RNF4: variants seen among roughly 807,000 people sequenced by gnomAD.
RNF4 encodes E3 ubiquitin-protein ligase RNF4.
RNF4 carries 7 observed loss-of-function variants against 24.3 expected under a neutral mutation model. That is an observed-to-expected ratio of 0.29 (90% confidence interval 0.16 to 0.54). The LOEUF (loss-of-function observed/expected upper bound fraction) is 0.54. Ranked by LOEUF, RNF4 falls within the 20% of genes least tolerant of loss-of-function variation. The pLI is 0.95. For synonymous variants in RNF4, 83 were observed against 84.3 expected (o/e 0.98, Z 0.09); for missense variants, 209 against 248.5 (o/e 0.84, Z 1.07).
At chr4:2,489,068 C>T (rs781376027) in intron 1 of RNF4, among the ~76,000 whole-genome samples, 91 of 152,162 alleles carry the variant, frequency 6.0e-4, no homozygotes, top group Non-Finnish European at 1.1e-3. Context: ...CCGCCTTGGC[C>T]TCCCAGAGTG....
intron 1 of RNF4, among the ~76,000 whole-genome samples, chr4:2,471,995 C>G (rs1734922352): frequency 6.6e-6 from 1 of 152,096 alleles, no homozygotes; most frequent in African/African-American, 2.4e-5. Flanking sequence ...CCACACTAAA[C>G]AACAGACTTT....
intron 1 of RNF4, among the ~76,000 whole-genome samples, chr4:2,476,773 A>G (rs903758134): frequency 7.1e-6 from 1 of 141,500 alleles, no homozygotes; most frequent in South Asian, 2.2e-4. Flanking sequence ...TGCAGTGGCT[A>G]TTTGCAGGTG....
chr4:2,490,617 T>G (rs1441701363), intron 2 of RNF4, 115 bp downstream of exon 2: 2 of 1,119,668 alleles, frequency 1.8e-6, no homozygotes, highest in Non-Finnish European at 2.6e-6. Flanking sequence ...TAACCCCACT[T>G]CTTGAAGGAG....
chr4:2,472,681 C>G (rs1327737519), intron 1 of RNF4, among the ~76,000 whole-genome samples: 1 of 151,412 alleles, frequency 6.6e-6, no homozygotes, highest in Non-Finnish European at 1.5e-5. Context: ...GATTGTGATT[C>G]TTCTGATGGG....
chr4:2,486,730 T>C (rs1735420396), intron 1 of RNF4, among the ~76,000 whole-genome samples: 1 of 152,124 alleles, frequency 6.6e-6, no homozygotes, highest in African/African-American at 2.4e-5. Flanking sequence ...TCAATATCAG[T>C]GAAGTGGGAG....
chr4:2,502,853 AAAAAAG>A lies in RNF4; in HGVS notation c.204+2120_204+2125del, dbSNP rs891230127. Among the ~76,000 whole-genome samples the A allele has an allele frequency of 2.0e-4, 30 of 151,722 alleles. 1 individual carries two copies. The Middle Eastern group carries it at 0.01, about 52-fold the overall frequency. The stretch of plus-strand genomic sequence containing the variant: ...AGCAAGACTCTGTCTCAAAAAAAAA[AAAAAAG>A]AAAAGAAAAGAAACAGGGTCTCACT... On this transcript the variant is annotated intron_variant, in intron 4 of 7. Transcript: ENST00000314289.
chr4:2,501,628 G>A (rs902409467), intron 4 of RNF4, among the ~76,000 whole-genome samples: 8 of 152,236 alleles, frequency 5.3e-5, no homozygotes, highest in Admixed American at 4.6e-4. Context: ...GCCTCTGGAA[G>A]ATGCCACTTG....
chr4:2,475,364 A>G (rs1735037040), intron 1 of RNF4, among the ~76,000 whole-genome samples: 1 of 151,866 alleles, frequency 6.6e-6, no homozygotes, highest in Non-Finnish European at 1.5e-5. Context: ...TTTGAGATGT[A>G]GTCTCACTCT....
Position 2,513,144 on chromosome 4 carries a change from A to G in RNF4, c.423+13A>G, listed in dbSNP as rs762655240. 2 of 1,612,254 alleles carry G rather than the reference A, an allele frequency of 1.2e-6. No individual in the cohort carries two copies. The highest frequency in any genetic ancestry group is 2.2e-5 in the East Asian group (1 of 44,878). On this transcript the variant is annotated intron_variant, in intron 7 of 7. Transcript: ENST00000314289. The stretch of plus-strand genomic sequence containing the variant: ...CGGATACTCAGAGGTAAGTAAACCA[A>G]GCTGTATCTTCCAGGCTTCTGGTTT...
intron 2 of RNF4, among the ~76,000 whole-genome samples, chr4:2,494,053 G>C (rs1735660622): frequency 6.6e-6 from 1 of 152,014 alleles, no homozygotes; most frequent in South Asian, 2.1e-4. Context: ...ATCTTGGCCA[G>C]GCTGGTCTTG....
chr4:2,495,167 G>T (rs1735695115), intron 2 of RNF4, among the ~76,000 whole-genome samples: 1 of 152,220 alleles, frequency 6.6e-6, no homozygotes, highest in Non-Finnish European at 1.5e-5. Context: ...CCCTCCTGGG[G>T]CTGGTTCTGT....
intron 4 of RNF4, 51 bp from the exon 5 acceptor site, chr4:2,511,905 T>A: frequency 1.9e-6 from 3 of 1,563,990 alleles, no homozygotes; most frequent in Non-Finnish European, 2.6e-6. Context: ...TTATCACTTA[T>A]ATCAAACTGA....
intron 2 of RNF4, among the ~76,000 whole-genome samples, chr4:2,496,524 G>A (rs959262793): frequency 1.3e-5 from 2 of 152,048 alleles, no homozygotes; most frequent in Non-Finnish European, 1.5e-5. Flanking sequence ...ACAGTGACGC[G>A]ATCTCGCCTC....
In RNF4 at chr4:2,469,211, C is replaced by G. The variant is rs1327967231; in HGVS notation, c.-205C>G. On this transcript the variant is annotated 5_prime_UTR_variant, in exon 1 of 8. Coordinates refer to ENST00000314289, the MANE Select transcript of RNF4 (RefSeq NM_002938.5). Reference sequence around the variant, plus strand: ...CGGAGTGCGCCGGCGGTGGCGCCTGCGGACCTAACTAGCTCCAGGTTAGGC... The same window carrying G: ...CGGAGTGCGCCGGCGGTGGCGCCTGGGGACCTAACTAGCTCCAGGTTAGGC... The G allele has an allele frequency of 6.6e-6, 1 of 152,170 alleles. No individual in the cohort carries two copies. The highest frequency in any genetic ancestry group is 6.5e-5 in the Admixed American group (1 of 15,288). 9.4% of individuals were successfully genotyped at this position (152,170 alleles called of 1,614,324 possible). A position where few individuals can be genotyped will look rare whatever the true frequency, so the allele number is the denominator to read the frequency against.
At chr4:2,472,903 G>A (rs1040873487) in intron 1 of RNF4, among the ~76,000 whole-genome samples, 2 of 151,938 alleles carry the variant, frequency 1.3e-5, no homozygotes, top group South Asian at 4.2e-4. Flanking sequence ...AGCCGGTCTT[G>A]GCAGCGGGCA....
intron 1 of RNF4, among the ~76,000 whole-genome samples, chr4:2,486,914 A>C (rs906670837): frequency 3.4e-4 from 52 of 152,132 alleles, no homozygotes; most frequent in African/African-American, 1.2e-3. Context: ...CAAATGTAAG[A>C]TATTTCTTGA....
chr4:2,481,442 C>CGA (rs908280574), intron 1 of RNF4, among the ~76,000 whole-genome samples: 3 of 152,028 alleles, frequency 2.0e-5, no homozygotes, highest in African/African-American at 7.3e-5. Flanking sequence ...AAAGTGAGGA[C>CGA]GAGTTGGGAG....
chr4:2,473,332 C>T (rs777791256), intron 1 of RNF4, among the ~76,000 whole-genome samples: 14 of 151,872 alleles, frequency 9.2e-5, no homozygotes, highest in East Asian at 1.9e-4. Context: ...TGCAGTGAGC[C>T]GAGATTGTGC....
Position 2,490,577 on chromosome 4 carries a change from G to A in RNF4, c.9+75G>A. ...ACCTTATTCCTTGTAGCACATTAGT[G>A]AAAGTGAGTTCCATAATGTCACTTC... On this transcript the variant is annotated intron_variant, in intron 2 of 7. Transcript: ENST00000314289. 3.4e-6 allele frequency: 5 copies of A among 1,479,894 alleles called. No homozygotes were observed. The African/African-American group carries it at 4.1e-5, about 12-fold the overall frequency. 91.7% of individuals were successfully genotyped at this position (1,479,894 alleles called of 1,614,324 possible). A position where few individuals can be genotyped will look rare whatever the true frequency, so the allele number is the denominator to read the frequency against.
Sources: allele counts gnomAD v4.1 joint callset (sites outside exome capture counted in the v4.1 genomes callset), GRCh38; gene constraint gnomAD v4.1.1; transcripts MANE v1.5; gene names NCBI Gene and HGNC (gene_info 2026-07-23, HGNC 2026-07-21).